Variants in CSMD1 observed in about 807,000 individuals in gnomAD.
CSMD1 encodes CUB and Sushi multiple domains 1.
A neutral mutation model predicts 417.5 loss-of-function variants in CSMD1; 213 were observed. That is an observed-to-expected ratio of 0.51 (90% CI 0.46 to 0.57). The LOEUF (loss-of-function observed/expected upper bound fraction) is 0.57. Ranked by LOEUF, CSMD1 falls within the 20% of genes least tolerant of loss-of-function variation. The pLI, the probability that CSMD1 is intolerant of heterozygous loss-of-function variation, is 0.00. For synonymous variants in CSMD1, 2,862 were observed against 1,736.8 expected, an observed-to-expected ratio of 1.65 and a Z score of -16.11; for missense variants, 6,923 against 4,529.7, an observed-to-expected ratio of 1.53 and a Z score of -15.17.
intron 2 of CSMD1, among the ~76,000 whole-genome samples, chr8:4,456,240 A>C (rs1563195298): frequency 6.6e-6 from 1 of 152,140 alleles, no homozygotes; most frequent in Non-Finnish European, 1.5e-5. Context: ...AATATGCTTT[A>C]AAATACAAAG....
chr8:4,377,037 G>C (rs993419589), intron 3 of CSMD1, among the ~76,000 whole-genome samples: 1 of 152,078 alleles, frequency 6.6e-6, no homozygotes, highest in Non-Finnish European at 1.5e-5. Context: ...TGGCCTCGTC[G>C]GTTTCAGATT....
At chr8:3,812,014 A>C (rs376466768) in intron 5 of CSMD1, among the ~76,000 whole-genome samples, 1 of 150,674 alleles carries the variant, frequency 6.6e-6, no homozygotes, top group Non-Finnish European at 1.5e-5. Flanking sequence ...CCATTTACTA[A>C]TCTTCTTATG....
chr8:2,979,940 TAGC>T (rs1271430336), intron 54 of CSMD1, among the ~76,000 whole-genome samples: 2 of 152,190 alleles, frequency 1.3e-5, no homozygotes, highest in Non-Finnish European at 2.9e-5. Context: ...ATCTCTGAAA[TAGC>T]AGGAATTACC....
At chr8:4,627,748 C>A (rs1266514392) in intron 2 of CSMD1, among the ~76,000 whole-genome samples, 1 of 152,154 alleles carries the variant, frequency 6.6e-6, no homozygotes, top group Non-Finnish European at 1.5e-5. Flanking sequence ...CCAGTTCCAG[C>A]TAACCTCTTT....
At chr8:4,880,286 G>C (rs1803308478) in intron 1 of CSMD1, among the ~76,000 whole-genome samples, 1 of 152,020 alleles carries the variant, frequency 6.6e-6, no homozygotes, top group Non-Finnish European at 1.5e-5. Flanking sequence ...AGTTAGCTTT[G>C]GGGATCTCAC....
chr8:3,353,933 A>C (rs924733), intron 21 of CSMD1, among the ~76,000 whole-genome samples: 122,149 of 152,042 alleles, frequency 0.8, 49,217 homozygotes, highest in East Asian at 0.89. Flanking sequence ...TGTACAAAGG[A>C]ATCTACCTGT....
At chr8:3,512,042 C>G (rs1026387800) in intron 10 of CSMD1, among the ~76,000 whole-genome samples, 10 of 152,148 alleles carry the variant, frequency 6.6e-5, no homozygotes, top group African/African-American at 2.2e-4. Flanking sequence ...TTCCCCATCA[C>G]CGTGGATCCA....
At position 4,360,840 on chromosome 8, in the gene CSMD1, G is replaced by A. The variant is rs186470417; in HGVS notation, c.415+59113C>T. ...AGTTCCTGACACAATTAATCACGGA[G>A]CTTCTGGTCTCCTTTATCTATCTTT... On this transcript the variant is annotated intron_variant, in intron 3 of 69. Transcript: ENST00000635120. Among the ~76,000 whole-genome samples the A allele has an allele frequency of 1.2e-4, 19 of 152,154 alleles. 1 individual carries two copies. The highest frequency in any genetic ancestry group is 9.8e-4 in the Admixed American group (15 of 15,284).
intron 7 of CSMD1, among the ~76,000 whole-genome samples, chr8:3,700,295 C>G (rs1800783671): frequency 6.6e-6 from 1 of 152,118 alleles, no homozygotes; most frequent in Non-Finnish European, 1.5e-5. Context: ...GAAAATATAC[C>G]TGCCCTCATG....
chr8:3,308,467 G>C lies in CSMD1; in HGVS notation c.3668C>G (p.Pro1223Arg). Residue 1223 changes from proline (P) to arginine (R), a missense_variant, in exon 24 of 70, where the codon CCT (proline) becomes CGT (arginine). By Grantham distance (103) the Pro-to-Arg change is moderately radical. Coordinates refer to ENST00000635120, the MANE Select transcript of CSMD1 (RefSeq NM_033225.6). ...DLVKCEDPGI[P>R]NYGYRIRDEG... Reference sequence around the variant, plus strand: ...ATCACGGATCCTATAGCCGTAGTTAGGGATGCCCGGATCCTCACATTTTAC... The same window carrying C: ...ATCACGGATCCTATAGCCGTAGTTACGGATGCCCGGATCCTCACATTTTAC... 6.2e-7 allele frequency: 1 copy of C among 1,613,472 alleles called. No individual in the cohort carries two copies. Among genetic ancestry groups the C allele is most frequent in the Non-Finnish European group, 8.5e-7 (1 of 1,179,582 alleles).
Position 3,705,692 on chromosome 8 carries a change from A to C in CSMD1, c.1009+2722T>G, listed in dbSNP as rs78817732. Among the ~76,000 whole-genome samples the C allele has an allele frequency of 4.5e-3, 689 of 152,332 alleles. 4 individuals carry two copies. Among genetic ancestry groups the C allele is most frequent in the Middle Eastern group, 0.017 (5 of 292 alleles). On this transcript the variant is annotated intron_variant, in intron 7 of 69. Coordinates refer to ENST00000635120, the MANE Select transcript of CSMD1 (RefSeq NM_033225.6). ...ATAAATCTTCTGTCATATCCGCAAC[A>C]AAACCCTTAGTTGGGGAAAGGATTA... is the stretch of plus-strand genomic sequence containing the variant.
intron 3 of CSMD1, among the ~76,000 whole-genome samples, chr8:4,397,021 T>C (rs1804277780): frequency 6.7e-6 from 1 of 149,420 alleles, no homozygotes; most frequent in Admixed American, 6.9e-5. Flanking sequence ...CCTAAAAATC[T>C]AATGAAATTA....
intron 8 of CSMD1, among the ~76,000 whole-genome samples, chr8:3,602,554 G>T (rs540675414): frequency 6.6e-6 from 1 of 152,178 alleles, no homozygotes; most frequent in Non-Finnish European, 1.5e-5. Flanking sequence ...TAGCCTCAAA[G>T]GTTGTTGACA....
At chr8:3,597,221 C>T (rs1801136244) in intron 8 of CSMD1, among the ~76,000 whole-genome samples, 1 of 152,128 alleles carries the variant, frequency 6.6e-6, no homozygotes. Flanking sequence ...TCATGGTAAA[C>T]ATCGGGCCCC....
intron 60 of CSMD1, among the ~76,000 whole-genome samples, chr8:2,962,928 G>A (rs576851810): frequency 6.6e-6 from 1 of 152,124 alleles, no homozygotes; most frequent in Non-Finnish European, 1.5e-5. Flanking sequence ...CACACCTGTA[G>A]TCCCAGCTAC....
intron 21 of CSMD1, among the ~76,000 whole-genome samples, chr8:3,351,598 C>CAAAAAAAAAAAAA (rs10718608): frequency 8.0e-6 from 1 of 124,268 alleles, no homozygotes; most frequent in African/African-American, 3.0e-5. Context: ...GACTCTGTTT[C>CAAAAAAAAAAAAA]AAAAAAAAAA....
intron 14 of CSMD1, among the ~76,000 whole-genome samples, chr8:3,406,797 A>T (rs568303462): frequency 6.6e-6 from 1 of 152,328 alleles, no homozygotes; most frequent in South Asian, 2.1e-4. Flanking sequence ...TATTCCATCT[A>T]CAGTGCATTT....
chr8:3,448,400 A>AGG (rs1815463057), intron 12 of CSMD1, among the ~76,000 whole-genome samples: 2 of 21,436 alleles, frequency 9.3e-5, no homozygotes, highest in Non-Finnish European at 8.2e-5. Flanking sequence ...GGAGGAAGGG[A>AGG]AGGAAGGAAG....
intron 8 of CSMD1, among the ~76,000 whole-genome samples, chr8:3,592,768 T>C (rs534596973): frequency 2.6e-4 from 39 of 152,248 alleles, no homozygotes; most frequent in South Asian, 4.2e-4. Flanking sequence ...CTGAGGACTT[T>C]TGTCCTAGCA....
Sources: allele counts gnomAD v4.1 joint callset (sites outside exome capture counted in the v4.1 genomes callset), GRCh38; gene constraint gnomAD v4.1.1; transcripts MANE v1.5; gene names NCBI Gene and HGNC (gene_info 2026-07-23, HGNC 2026-07-21).